PRKN: variants seen among roughly 807,000 people sequenced by gnomAD.
PRKN encodes the protein E3 ubiquitin-protein ligase parkin.
A neutral mutation model predicts 59.5 loss-of-function variants in PRKN; 56 were observed. The observed-to-expected ratio is 0.94, with a 90% confidence interval of 0.76 to 1.18. PRKN has a LOEUF of 1.18. Ranked by LOEUF, PRKN falls within the 50% of genes most tolerant of loss-of-function variation. PRKN has a pLI of 0.00. For missense variants in PRKN, 657 were observed against 596.4 expected (o/e 1.10, Z -1.06); for synonymous variants, 250 against 222.1 (o/e 1.13, Z -1.12).
chr6:162,670,642 T>TA (rs1419701019), intron 1 of PRKN, among the ~76,000 whole-genome samples: 1 of 152,122 alleles, frequency 6.6e-6, no homozygotes, highest in African/African-American at 2.4e-5. Flanking sequence ...GGACCTGAAT[T>TA]AAAAAGAAGA....
intron 6 of PRKN, among the ~76,000 whole-genome samples, chr6:161,935,162 G>T (rs1399317371): frequency 6.6e-6 from 1 of 152,094 alleles, no homozygotes; most frequent in Non-Finnish European, 1.5e-5. Context: ...GCATATTATA[G>T]AAAAACTACG....
rs78882043 is a variant in PRKN at position 161,967,225 on chromosome 6, C to T, written c.734+6077G>A. ...GTAAACCTAAAATCTGGCCATGAGT[C>T]ACACATGTCTCTTATACATCGGCCT... is the stretch of plus-strand genomic sequence containing the variant. On this transcript the variant is annotated intron_variant, in intron 6 of 11. Transcript: ENST00000366898. Among the ~76,000 whole-genome samples the T allele has an allele frequency of 7.4e-3, 1,120 of 152,346 alleles. 16 individuals carry two copies. The highest frequency in any genetic ancestry group is 0.026 in the African/African-American group (1,064 of 41,576).
chr6:162,516,301 T>G (rs544764199), intron 1 of PRKN, among the ~76,000 whole-genome samples: 41 of 152,264 alleles, frequency 2.7e-4, no homozygotes, highest in Admixed American at 9.2e-4. Flanking sequence ...CTCTGCTGAG[T>G]GCCTTGCTGT....
At chr6:162,704,229 G>C (rs1019921602) in intron 1 of PRKN, among the ~76,000 whole-genome samples, 1 of 152,124 alleles carries the variant, frequency 6.6e-6, no homozygotes, top group Non-Finnish European at 1.5e-5. Flanking sequence ...GTGGACTGCG[G>C]GGGGGTTGTA....
intron 4 of PRKN, among the ~76,000 whole-genome samples, chr6:162,090,522 C>G (rs888018097): frequency 6.6e-6 from 1 of 152,118 alleles, no homozygotes; most frequent in Non-Finnish European, 1.5e-5. Flanking sequence ...ATCCATTGAA[C>G]TAAATACAGA....
Position 162,207,098 on chromosome 6 carries a change from C to G in PRKN, c.413-5846G>C, listed in dbSNP as rs867016771. ...CTTAAAAAGATGGGGATCGGCCTGCCGCAGTGACTCAAGCCTGTAATCCCA... is the reference window on the plus strand; with the variant it reads ...CTTAAAAAGATGGGGATCGGCCTGCGGCAGTGACTCAAGCCTGTAATCCCA... On this transcript the variant is annotated intron_variant, in intron 3 of 11. Coordinates refer to ENST00000366898, the MANE Select transcript of PRKN (RefSeq NM_004562.3). 3.9e-5 allele frequency among the ~76,000 whole-genome samples: 6 copies of G among 152,094 alleles called. 2 individuals are homozygous for G. The South Asian group carries it at 1.0e-3, about 26-fold the overall frequency.
At chr6:162,505,003 C>T (rs1793546627) in intron 1 of PRKN, among the ~76,000 whole-genome samples, 1 of 152,098 alleles carries the variant, frequency 6.6e-6, no homozygotes, top group East Asian at 1.9e-4. Flanking sequence ...CATCTTATAG[C>T]CATTTTATTG....
chr6:162,683,940 A>G (rs1185883844), intron 1 of PRKN, among the ~76,000 whole-genome samples: 1 of 152,152 alleles, frequency 6.6e-6, no homozygotes, highest in African/African-American at 2.4e-5. Context: ...AAAAACGTAC[A>G]CCTTTCTTTA....
intron 6 of PRKN, among the ~76,000 whole-genome samples, chr6:161,958,852 A>C (rs534467746): frequency 3.3e-5 from 5 of 151,342 alleles, no homozygotes; most frequent in Admixed American, 1.3e-4. Context: ...TGACCTCTGA[A>C]CTGGGCAACA....
chr6:162,082,116 A>C (rs4709569), intron 4 of PRKN, among the ~76,000 whole-genome samples: 58,128 of 151,862 alleles, frequency 0.38, 11,652 homozygotes, highest in South Asian at 0.44. Context: ...TACAATTTCC[A>C]AGTGTTGTGG....
intron 9 of PRKN, among the ~76,000 whole-genome samples, chr6:161,434,843 T>C (rs1266805592): frequency 6.6e-6 from 1 of 152,102 alleles, no homozygotes; most frequent in African/African-American, 2.4e-5. Flanking sequence ...AATATATTCA[T>C]CTTTAAAAAT....
At chr6:162,109,169 G>T (rs74492400) in intron 4 of PRKN, among the ~76,000 whole-genome samples, 1 of 152,268 alleles carries the variant, frequency 6.6e-6, no homozygotes, top group Non-Finnish European at 1.5e-5. Context: ...CACCCTGGTG[G>T]GTGTGTCATA....
chr6:162,560,867 A>AAAAAAAAAAAAC (rs1779809900), intron 1 of PRKN, among the ~76,000 whole-genome samples: 1 of 148,308 alleles, frequency 6.7e-6, no homozygotes, highest in African/African-American at 2.5e-5. Context: ...AAAAAAAAAA[A>AAAAAAAAAAAAC]CCCAGGTCAT....
At chr6:161,809,259 G>C (rs544899697) in intron 6 of PRKN, among the ~76,000 whole-genome samples, 45 of 151,176 alleles carry the variant, frequency 3.0e-4, no homozygotes, top group South Asian at 8.5e-4. Flanking sequence ...TCAAAGGCAG[G>C]GGGGGAAGGG....
intron 7 of PRKN, among the ~76,000 whole-genome samples, chr6:161,754,952 T>G (rs1199664350): frequency 6.6e-6 from 1 of 152,166 alleles, no homozygotes. Context: ...GAATCCCCAC[T>G]CAGGGGGAGA....
chr6:162,686,343 T>C (rs1317417528), intron 1 of PRKN, among the ~76,000 whole-genome samples: 1 of 152,050 alleles, frequency 6.6e-6, no homozygotes, highest in Non-Finnish European at 1.5e-5. Flanking sequence ...AAATGATAAC[T>C]CCTGAGGAAG....
intron 7 of PRKN, among the ~76,000 whole-genome samples, chr6:161,738,661 C>T (rs1383266342): frequency 6.6e-6 from 1 of 152,172 alleles, no homozygotes; most frequent in Non-Finnish European, 1.5e-5. Flanking sequence ...TGTGTGGTCA[C>T]CAGGTGTAGA....
Position 161,413,549 on chromosome 6 carries a change from G to T in PRKN, c.1084-26672C>A, listed in dbSNP as rs957828491. ...GAACCTGGCGGGCTCATGTGGGCAC[G>T]CTGGCCATGGTGGGATGGCAGCGTG... On this transcript the variant is annotated intron_variant, in intron 9 of 11. Transcript: ENST00000366898. This position sits in a 1 kb window ranked among gnomAD's most constrained non-coding sequence, Gnocchi z 4.4. 6.6e-6 allele frequency among the ~76,000 whole-genome samples: 1 copy of T among 152,186 alleles called. No individual in the cohort carries two copies. Among genetic ancestry groups the T allele is most frequent in the Non-Finnish European group, 1.5e-5 (1 of 68,036 alleles).
At chr6:162,096,615 A>G (rs971541056) in intron 4 of PRKN, among the ~76,000 whole-genome samples, 3 of 152,112 alleles carry the variant, frequency 2.0e-5, no homozygotes, top group East Asian at 1.9e-4. Context: ...CTGGTAGTGA[A>G]TAAGTCTCAC....
Sources: allele counts gnomAD v4.1 joint callset (sites outside exome capture counted in the v4.1 genomes callset), GRCh38; gene constraint gnomAD v4.1.1; non-coding constraint Gnocchi (gnomAD v3.1); transcripts MANE v1.5; gene names NCBI Gene and HGNC (gene_info 2026-07-23, HGNC 2026-07-21).